The following PRICKLE2 variants were observed in gnomAD, a reference collection of about 807,000 sequenced individuals.
The protein encoded by PRICKLE2 is prickle planar cell polarity protein 2.
Under a neutral mutation model 81.4 loss-of-function variants are expected in PRICKLE2, and 21 were observed. The ratio of observed to expected loss-of-function variants is 0.26; its 90% confidence interval spans 0.18 to 0.37. PRICKLE2 has a LOEUF of 0.37. PRICKLE2 is among the 10% of genes least tolerant of loss of function. The probability of loss-of-function intolerance (pLI) is 1.00; values close to 1 mark genes in which losing one functional copy is unlikely to be tolerated. For synonymous variants in PRICKLE2, 456 were observed against 421.5 expected, an observed-to-expected ratio of 1.08 and a Z score of -1.00; for missense variants, 940 against 1,109.0, an observed-to-expected ratio of 0.85 and a Z score of 2.16.
At position 64,255,966 on chromosome 3, in the gene PRICKLE2, G is replaced by T. The variant is rs139861765; in HGVS notation, c.129-56999C>A. ...GCGACTCTGAGGAAGGGAGCCATAT[G>T]CCGAGGTTGGCAGGGCAGGAAAAAA... On this transcript the variant is annotated intron_variant, in intron 2 of 8. Coordinates refer to the PRICKLE2 transcript ENST00000295902. Among the ~76,000 whole-genome samples the T allele has an allele frequency of 2.3e-4, 35 of 152,282 alleles. No homozygotes were observed. In the East Asian group the frequency reaches 6.4e-3, roughly 28 times the overall value.
chr3:64,244,603 GGT>G (rs71680837), intron 2 of PRICKLE2, among the ~76,000 whole-genome samples: 152 of 91,598 alleles, frequency 1.7e-3, no homozygotes, highest in Admixed American at 8.0e-3. Flanking sequence ...GTGAATGACT[GGT>G]GTGTGTGTGT....
intron 7 of PRICKLE2, among the ~76,000 whole-genome samples, chr3:64,108,344 T>C (rs1242272285): frequency 6.6e-6 from 1 of 152,224 alleles, no homozygotes; most frequent in African/African-American, 2.4e-5. Context: ...TGGCGGTAGC[T>C]TGATCAGGTC....
intron 2 of PRICKLE2, among the ~76,000 whole-genome samples, chr3:64,164,673 C>T (rs2077796326): frequency 6.6e-6 from 1 of 152,172 alleles, no homozygotes; most frequent in Non-Finnish European, 1.5e-5. Flanking sequence ...GAATTCTTGT[C>T]CTAGACTAGC....
chr3:64,121,795 T>C (rs549275228), intron 7 of PRICKLE2, among the ~76,000 whole-genome samples: 4 of 152,318 alleles, frequency 2.6e-5, no homozygotes, highest in South Asian at 2.1e-4. Flanking sequence ...TGAAGTTCCA[T>C]GTGTTGTATA....
At chr3:64,187,969 T>C (rs2078266181) in intron 2 of PRICKLE2, among the ~76,000 whole-genome samples, 1 of 152,186 alleles carries the variant, frequency 6.6e-6, no homozygotes, top group Non-Finnish European at 1.5e-5. Flanking sequence ...TGAAAGACTT[T>C]TAAAAGCATC....
intron 7 of PRICKLE2, among the ~76,000 whole-genome samples, chr3:64,112,063 A>G (rs929648573): frequency 1.3e-4 from 20 of 152,306 alleles, no homozygotes; most frequent in African/African-American, 4.6e-4. Context: ...GCTGGCACAC[A>G]TGGTTCCACC....
At chr3:64,171,890 C>G (rs956279948) in intron 2 of PRICKLE2, among the ~76,000 whole-genome samples, 2 of 152,124 alleles carry the variant, frequency 1.3e-5, no homozygotes, top group African/African-American at 4.8e-5. Flanking sequence ...GTGACAAAAG[C>G]GACACCCATT....
intron 7 of PRICKLE2, among the ~76,000 whole-genome samples, chr3:64,136,201 G>A (rs762666942): frequency 4.1e-4 from 62 of 152,106 alleles, no homozygotes; most frequent in Non-Finnish European, 8.2e-4. Flanking sequence ...GTCTCAGCAG[G>A]AGGCTAGACT....
At chr3:64,179,431 C>G (rs1327928416) in intron 2 of PRICKLE2, among the ~76,000 whole-genome samples, 2 of 152,094 alleles carry the variant, frequency 1.3e-5, no homozygotes, top group African/African-American at 4.8e-5. Context: ...TTTAGAAACA[C>G]TAGATGGCAC....
At chr3:64,164,782 A>G (rs2077799898) in intron 2 of PRICKLE2, among the ~76,000 whole-genome samples, 1 of 152,204 alleles carries the variant, frequency 6.6e-6, no homozygotes. Flanking sequence ...GGTTCTGAAG[A>G]GAGCCCACTG....
chr3:64,138,865 A>T (rs1407363111), intron 7 of PRICKLE2, among the ~76,000 whole-genome samples: 1 of 152,228 alleles, frequency 6.6e-6, no homozygotes, highest in Non-Finnish European at 1.5e-5. Context: ...TGGCCAATGA[A>T]GTAATGGGTG....
intron 1 of PRICKLE2, among the ~76,000 whole-genome samples, chr3:64,208,679 A>G (rs2078732683): frequency 6.6e-6 from 1 of 152,214 alleles, no homozygotes; most frequent in Non-Finnish European, 1.5e-5. Flanking sequence ...GAAGGTTTAT[A>G]ATATTCAATA....
intron 2 of PRICKLE2, among the ~76,000 whole-genome samples, chr3:64,253,353 T>C (rs2079477271): frequency 6.6e-6 from 1 of 152,180 alleles, no homozygotes; most frequent in Admixed American, 6.5e-5. Context: ...TCCTGAGTTC[T>C]TGTTCAAAAG....
intron 2 of PRICKLE2, among the ~76,000 whole-genome samples, chr3:64,240,350 C>G (rs1310249188): frequency 6.6e-6 from 1 of 152,154 alleles, no homozygotes; most frequent in South Asian, 2.1e-4. Flanking sequence ...CAAGCTACAG[C>G]TCCTCTGCAT....
In PRICKLE2 at chr3:64,099,130, G is replaced by C. The variant is rs2076612037; in HGVS notation, c.2456C>G (p.Pro819Arg). 8.1e-6 allele frequency: 13 copies of C among 1,614,204 alleles called. No homozygotes were observed. Among genetic ancestry groups the C allele is most frequent in the Non-Finnish European group, 1.1e-5 (13 of 1,180,044 alleles). The change falls in exon 8 of 8, where the codon CCC becomes CGC. Residue 819 changes from proline (P) to arginine (R), a missense_variant. Physicochemically the swap from Pro to Arg is moderately radical, Grantham distance 103 (BLOSUM62 -2). Transcript: ENST00000638394. The surrounding 1 kb of genome is among the most constrained non-coding windows in gnomAD (Gnocchi z 4.3). Reference protein sequence around the residue: ...LLHKYSSYGLPKSSTLGGRGQ... With the variant: ...LLHKYSSYGLRKSSTLGGRGQ... Reference sequence around the variant, plus strand: ...TCTGCCACCTAATGTGGAAGATTTGGGGAGGCCGTAGGAGCTGTATTTGTG... The same window carrying C: ...TCTGCCACCTAATGTGGAAGATTTGCGGAGGCCGTAGGAGCTGTATTTGTG...
At chr3:64,196,701 C>T (rs1343325860) in intron 2 of PRICKLE2, among the ~76,000 whole-genome samples, 1 of 152,046 alleles carries the variant, frequency 6.6e-6, no homozygotes, top group African/African-American at 2.4e-5. Flanking sequence ...ACATTTTCTC[C>T]CCTGTAGTGA....
At chr3:64,259,778 T>C (rs909711251) in intron 2 of PRICKLE2, among the ~76,000 whole-genome samples, 2 of 152,260 alleles carry the variant, frequency 1.3e-5, no homozygotes, top group South Asian at 4.1e-4. Flanking sequence ...GATGCGGCTG[T>C]AACCATGGAA....
At chr3:64,142,060 C>A in intron 7 of PRICKLE2, 1 of 470,414 alleles carries the variant, frequency 2.1e-6, no homozygotes, top group Non-Finnish European at 2.8e-6. Flanking sequence ...GCAAAAACAC[C>A]AACTTTCCAA....
At chr3:64,260,985 C>A (rs1390461182) in intron 2 of PRICKLE2, among the ~76,000 whole-genome samples, 1 of 152,166 alleles carries the variant, frequency 6.6e-6, no homozygotes, top group Non-Finnish European at 1.5e-5. Context: ...CAGGAGAGTT[C>A]AGAAGCTTGG....
Sources: allele counts gnomAD v4.1 joint callset (sites outside exome capture counted in the v4.1 genomes callset), GRCh38; gene constraint gnomAD v4.1.1; non-coding constraint Gnocchi (gnomAD v3.1); transcripts MANE v1.5; gene names NCBI Gene and HGNC (gene_info 2026-07-23, HGNC 2026-07-21).